COP1: variants seen among roughly 807,000 people sequenced by gnomAD.
The protein encoded by COP1 is COP1 E3 ubiquitin ligase, also known as E3 ubiquitin-protein ligase COP1.
A neutral mutation model predicts 101.3 loss-of-function variants in COP1; 24 were observed. The observed-to-expected ratio is 0.24, with a 90% confidence interval of 0.17 to 0.33. The LOEUF is 0.33. COP1 is among the 10% of genes least tolerant of loss of function. The pLI is 1.00. For synonymous variants in COP1, 347 were observed against 341.9 expected, an observed-to-expected ratio of 1.01 and a Z score of -0.17; for missense variants, 663 against 906.2, an observed-to-expected ratio of 0.73 and a Z score of 3.45.
chr1:176,031,694 AG>A (rs1489427878), intron 14 of COP1, among the ~76,000 whole-genome samples: 1 of 152,180 alleles, frequency 6.6e-6, no homozygotes, highest in African/African-American at 2.4e-5. Context: ...AACATACTCT[AG>A]TTGGCCATAA....
intron 18 of COP1, among the ~76,000 whole-genome samples, chr1:175,983,294 C>T (rs567465827): frequency 1.3e-5 from 2 of 152,164 alleles, no homozygotes; most frequent in African/African-American, 4.8e-5. Context: ...GTAAATGACT[C>T]ATGGGGGCAA....
chr1:175,987,927 G>C (rs1657513387), intron 17 of COP1, among the ~76,000 whole-genome samples: 1 of 152,102 alleles, frequency 6.6e-6, no homozygotes, highest in Non-Finnish European at 1.5e-5. Context: ...TGAATATCAA[G>C]CTTAAGAAGA....
intron 5 of COP1, among the ~76,000 whole-genome samples, chr1:176,151,443 A>G (rs1442528577): frequency 6.6e-6 from 1 of 151,998 alleles, no homozygotes; most frequent in Non-Finnish European, 1.5e-5. Context: ...TTTACTCTCT[A>G]CTCTCAGTAC....
intron 5 of COP1, among the ~76,000 whole-genome samples, chr1:176,157,819 A>G (rs576538894): frequency 6.6e-6 from 1 of 152,188 alleles, no homozygotes; most frequent in African/African-American, 2.4e-5. Flanking sequence ...GAAAAAGTCA[A>G]TCTATATGGA....
intron 16 of COP1, 131 bp downstream of exon 16, chr1:175,989,231 A>G: frequency 2.0e-6 from 1 of 506,182 alleles, no homozygotes; most frequent in Non-Finnish European, 3.6e-6. Flanking sequence ...TTAAAAAAAA[A>G]ATCTACTATT....
At chr1:176,158,164 A>T (rs1253676107) in intron 5 of COP1, among the ~76,000 whole-genome samples, 3 of 152,188 alleles carry the variant, frequency 2.0e-5, no homozygotes, top group African/African-American at 7.2e-5. Context: ...AGAGTATCTT[A>T]AACTGGGAGA....
rs185624637 is a variant in COP1, at chr1:176,180,341, C to T, written c.467+4292G>A. On this transcript the variant is annotated intron_variant, in intron 2 of 19. Coordinates refer to ENST00000367669, the MANE Select transcript of COP1 (RefSeq NM_022457.7). ...TACAAATTTTCAGTATTTCTTACCC[C>T]AGTAACTCTAATTCATTCTCATTCA... is the stretch of plus-strand genomic sequence containing the variant. Among the ~76,000 whole-genome samples, 454 of 152,278 alleles carry T rather than the reference C, an allele frequency of 3.0e-3. 2 individuals are homozygous for T. The highest frequency in any genetic ancestry group is 0.01 in the African/African-American group (427 of 41,556).
intron 17 of COP1, among the ~76,000 whole-genome samples, chr1:175,987,481 A>C (rs1454601110): frequency 6.6e-6 from 1 of 152,194 alleles, no homozygotes; most frequent in Non-Finnish European, 1.5e-5. Context: ...AAGAATCTTA[A>C]ATTACATTTA....
At chr1:176,148,361 T>C (rs1312086183) in intron 6 of COP1, among the ~76,000 whole-genome samples, 1 of 148,838 alleles carries the variant, frequency 6.7e-6, no homozygotes, top group African/African-American at 2.5e-5. Flanking sequence ...ATTCTTAACA[T>C]AAACATACCA....
At chr1:176,059,208 T>A (rs954942886) in intron 11 of COP1, among the ~76,000 whole-genome samples, 2 of 152,374 alleles carry the variant, frequency 1.3e-5, no homozygotes, top group Middle Eastern at 3.4e-3. Flanking sequence ...GTGGTTAATG[T>A]AATTCATCTA....
At chr1:176,069,782 C>A (rs1312796998) in intron 11 of COP1, among the ~76,000 whole-genome samples, 1 of 152,184 alleles carries the variant, frequency 6.6e-6, no homozygotes, top group African/African-American at 2.4e-5. Context: ...CTAATTAAGG[C>A]AAAAAGTCTT....
chr1:176,036,307 G>A (rs906484739), intron 14 of COP1, among the ~76,000 whole-genome samples: 1 of 151,664 alleles, frequency 6.6e-6, no homozygotes, highest in African/African-American at 2.4e-5. Flanking sequence ...AGAAATCTAT[G>A]AAATTAAAAA....
At chr1:176,111,420 A>G (rs1685267003) in intron 9 of COP1, among the ~76,000 whole-genome samples, 1 of 151,902 alleles carries the variant, frequency 6.6e-6, no homozygotes, top group South Asian at 2.1e-4. Flanking sequence ...CAGCCTCCTG[A>G]GCAGCTGGGA....
chr1:176,029,190 T>C (rs1311944308), intron 14 of COP1, among the ~76,000 whole-genome samples: 1 of 152,220 alleles, frequency 6.6e-6, no homozygotes. Context: ...TGATTTTAAA[T>C]TTTTATGTAG....
At chr1:176,011,947 C>T (rs1475508575) in intron 15 of COP1, among the ~76,000 whole-genome samples, 1 of 152,048 alleles carries the variant, frequency 6.6e-6, no homozygotes, top group Non-Finnish European at 1.5e-5. Flanking sequence ...AACTGTGTTA[C>T]TGGCTTATGT....
chr1:176,007,765 T>C (rs1377447032), intron 15 of COP1, among the ~76,000 whole-genome samples: 2 of 152,138 alleles, frequency 1.3e-5, no homozygotes, highest in African/African-American at 4.8e-5. Context: ...GACAGGGACA[T>C]TTAAGTCTGC....
chr1:176,048,342 T>C (rs1252031102), intron 11 of COP1, among the ~76,000 whole-genome samples: 1 of 151,628 alleles, frequency 6.6e-6, no homozygotes, highest in Non-Finnish European at 1.5e-5. Flanking sequence ...GCCCAGCCAA[T>C]TTAAAAAAAA....
chr1:176,058,184 G>GGTC (rs756720627), intron 11 of COP1, among the ~76,000 whole-genome samples: 1 of 45,142 alleles, frequency 2.2e-5, no homozygotes, highest in Non-Finnish European at 6.4e-5. Flanking sequence ...CCGGTAGGGA[G>GGTC]GGGGGGGGTC....
At chr1:175,963,777 C>T (rs547632564) in intron 18 of COP1, among the ~76,000 whole-genome samples, 5 of 152,108 alleles carry the variant, frequency 3.3e-5, no homozygotes, top group African/African-American at 4.8e-5. Context: ...TTAGAAGTAA[C>T]GTCTTCCCTC....
Sources: allele counts gnomAD v4.1 joint callset (sites outside exome capture counted in the v4.1 genomes callset), GRCh38; gene constraint gnomAD v4.1.1; transcripts MANE v1.5; gene names NCBI Gene and HGNC (gene_info 2026-07-23, HGNC 2026-07-21).